ZC2HC1A: variants seen among roughly 807,000 people sequenced by gnomAD.
ZC2HC1A encodes zinc finger C2HC-type containing 1A.
A neutral mutation model predicts 40.7 loss-of-function variants in ZC2HC1A; 28 were observed. That is an observed-to-expected ratio of 0.69 (90% CI 0.51 to 0.94). ZC2HC1A has a LOEUF of 0.94. ZC2HC1A is among the 40% of genes least tolerant of loss of function. ZC2HC1A has a pLI of 0.00. For synonymous variants in ZC2HC1A, 129 were observed against 129.2 expected, an observed-to-expected ratio of 1.00 and a Z score of 0.01; for missense variants, 389 against 386.3, an observed-to-expected ratio of 1.01 and a Z score of -0.06.
rs559588412 is a variant in ZC2HC1A at position 78,672,909 on chromosome 8, T to A, written c.17-2878T>A. Among the ~76,000 whole-genome samples, 429 of 152,272 alleles carry A rather than the reference T, an allele frequency of 2.8e-3. 3 individuals carry two copies. The highest frequency in any genetic ancestry group is 6.9e-3 in the Admixed American group (105 of 15,294). On this transcript the variant is annotated intron_variant, in intron 1 of 8. Transcript: ENST00000263849. ...CATAAATTATTTTTAATTTTTTTTT[T>A]AATTTTACTTTAAGTTCTGGGCTAC... is the stretch of plus-strand genomic sequence containing the variant.
chr8:78,691,379 A>G (rs1041050193), intron 5 of ZC2HC1A, among the ~76,000 whole-genome samples: 7 of 151,982 alleles, frequency 4.6e-5, no homozygotes, highest in Non-Finnish European at 7.4e-5. Flanking sequence ...GTCTGTGGCA[A>G]TATTTGTTGT....
chr8:78,666,298 A>T, intron 1 of ZC2HC1A, 134 bp downstream of exon 1: 1 of 1,439,950 alleles, frequency 6.9e-7, no homozygotes, highest in Non-Finnish European at 9.4e-7. Context: ...GCGCCTCCGG[A>T]GGCTGGGGCC....
intron 3 of ZC2HC1A, among the ~76,000 whole-genome samples, chr8:78,680,198 T>A (rs1426509288): frequency 6.8e-6 from 1 of 146,892 alleles, no homozygotes; most frequent in South Asian, 2.1e-4. Context: ...TTATAAGGAA[T>A]TGGGGTTGTA....
At chr8:78,670,186 C>T (rs766693259) in intron 1 of ZC2HC1A, among the ~76,000 whole-genome samples, 114 of 152,030 alleles carry the variant, frequency 7.5e-4, no homozygotes, top group Non-Finnish European at 1.1e-3. Context: ...AGGCTGATCT[C>T]GAACTCCTGA....
intron 7 of ZC2HC1A, among the ~76,000 whole-genome samples, chr8:78,706,391 C>T (rs1025582607): frequency 9.2e-5 from 14 of 152,060 alleles, no homozygotes; most frequent in Non-Finnish European, 1.5e-4. Context: ...TTGCCTGTGC[C>T]GGAGCAGCTG....
At chr8:78,694,307 AG>A (rs1810326873) in intron 5 of ZC2HC1A, among the ~76,000 whole-genome samples, 1 of 147,072 alleles carries the variant, frequency 6.8e-6, no homozygotes, top group Non-Finnish European at 1.5e-5. Context: ...TTTCTCATTC[AG>A]TTTCCTTATA....
At chr8:78,704,956 TA>T (rs1810723621) in intron 7 of ZC2HC1A, among the ~76,000 whole-genome samples, 1 of 152,222 alleles carries the variant, frequency 6.6e-6, no homozygotes, top group Non-Finnish European at 1.5e-5. Context: ...TCAGGTTGGT[TA>T]TGTTCTTCTC....
Position 78,686,478 on chromosome 8 carries a change from A to G in ZC2HC1A, c.222A>G (p.Pro74=), listed in dbSNP as rs1809977428. The part of the protein sequence containing the change: ...VKPLKPRPEP[P]KKPSNWRRKH... ...TTATTTATTTATAGCCAGAACCACC[A>G]AAGAAACCATCTAATTGGAGAAGGA... is the stretch of plus-strand genomic sequence containing the variant. The change falls in exon 4 of 9, where the codon CCA becomes CCG. Residue 74 remains proline (P), a synonymous_variant. Coordinates refer to ENST00000263849, the MANE Select transcript of ZC2HC1A (RefSeq NM_016010.3). 3 of 1,503,826 alleles carry G rather than the reference A, an allele frequency of 2.0e-6. No individual in the cohort carries two copies. Among genetic ancestry groups the G allele is most frequent in the Non-Finnish European group, 2.7e-6 (3 of 1,125,522 alleles). The allele number at this position is 1,503,826 out of a possible 1,614,324, so 93.2% of individuals were successfully genotyped here. A position where few individuals can be genotyped will look rare whatever the true frequency, so the allele number is the denominator to read the frequency against.
At chr8:78,695,033 A>G (rs1810352859) in intron 5 of ZC2HC1A, among the ~76,000 whole-genome samples, 1 of 152,146 alleles carries the variant, frequency 6.6e-6, no homozygotes, top group Non-Finnish European at 1.5e-5. Flanking sequence ...TGTAGAATAG[A>G]TAGAATATAG....
At chr8:78,708,365 G>T (rs1402957520) in intron 7 of ZC2HC1A, among the ~76,000 whole-genome samples, 2 of 151,986 alleles carry the variant, frequency 1.3e-5, no homozygotes, top group East Asian at 3.9e-4. Flanking sequence ...TCATATGTTT[G>T]GTTGTTTGCT....
intron 7 of ZC2HC1A, among the ~76,000 whole-genome samples, chr8:78,700,607 T>C (rs1810568599): frequency 6.6e-6 from 1 of 152,200 alleles, no homozygotes; most frequent in African/African-American, 2.4e-5. Context: ...TGGTATTGGC[T>C]AGGTTGTCTT....
intron 5 of ZC2HC1A, 35 bp downstream of exon 5, chr8:78,689,408 A>G: frequency 6.6e-7 from 1 of 1,524,496 alleles, no homozygotes; most frequent in East Asian, 2.4e-5. Context: ...ATAAACGAGA[A>G]AATGGCTCAT....
rs1811177929 is a variant in ZC2HC1A at position 78,718,695 on chromosome 8, C to A, written c.*1202C>A. The stretch of plus-strand genomic sequence containing the variant: ...TACACACAAATTTAATTATTTTTTT[C>A]TCTTTAACCTGATCACGACACAGCT... On this transcript the variant is annotated 3_prime_UTR_variant, in exon 9 of 9. Transcript: ENST00000263849. 6.6e-6 allele frequency: 1 copy of A among 151,684 alleles called. No individual in the cohort carries two copies. Among genetic ancestry groups the A allele is most frequent in the Non-Finnish European group, 1.5e-5 (1 of 67,704 alleles). 9.4% of individuals were successfully genotyped at this position (151,684 alleles called of 1,614,324 possible).
chr8:78,703,556 T>A (rs1200502756), intron 7 of ZC2HC1A, among the ~76,000 whole-genome samples: 1 of 146,744 alleles, frequency 6.8e-6, no homozygotes, highest in East Asian at 2.0e-4. Flanking sequence ...TTTTTTTAAA[T>A]CTTTGTTGGT....
At chr8:78,713,512 G>A (rs765802139) in intron 7 of ZC2HC1A, among the ~76,000 whole-genome samples, 1 of 151,464 alleles carries the variant, frequency 6.6e-6, no homozygotes, top group East Asian at 1.9e-4. Flanking sequence ...CTTTGACAAT[G>A]ATTTCCTAAA....
chr8:78,678,535 G>T (rs760969794), intron 2 of ZC2HC1A, 28 bp from the exon 3 acceptor site: 1 of 1,551,194 alleles, frequency 6.4e-7, no homozygotes, highest in Admixed American at 1.9e-5. Context: ...AAAAGAAAAT[G>T]ATAGGCTGCA....
At chr8:78,685,876 A>G (rs1809952146) in intron 3 of ZC2HC1A, 1 of 152,268 alleles carries the variant, frequency 6.6e-6, no homozygotes, top group Non-Finnish European at 1.5e-5. Flanking sequence ...AAGAAAAGAA[A>G]TGTATCTCTC....
chr8:78,675,282 ATAAC>A (rs1809544895), intron 1 of ZC2HC1A, among the ~76,000 whole-genome samples: 1 of 151,896 alleles, frequency 6.6e-6, no homozygotes. Context: ...TGTAATTTGC[ATAAC>A]TAGGTGATCT....
chr8:78,706,600 G>C (rs930669434), intron 7 of ZC2HC1A, among the ~76,000 whole-genome samples: 4 of 152,098 alleles, frequency 2.6e-5, no homozygotes, highest in African/African-American at 9.7e-5. Context: ...CTGTCATCCT[G>C]CCTCTCTTTT....
Sources: gnomAD v4.1 joint callset for allele counts (sites outside exome capture counted in the v4.1 genomes callset) on GRCh38, gnomAD v4.1.1 for gene constraint, MANE v1.5 for transcripts, NCBI Gene and HGNC (gene_info 2026-07-23, HGNC 2026-07-21) for gene names.